Variants in TRRAP observed in about 807,000 individuals in gnomAD.
TRRAP encodes the protein transformation/transcription domain associated protein, also known as transformation/transcription domain-associated protein.
TRRAP carries 41 observed loss-of-function variants against 438.8 expected under a neutral mutation model. That is an observed-to-expected ratio of 0.09 (90% CI 0.07 to 0.12). The LOEUF (loss-of-function observed/expected upper bound fraction) is 0.12, where lower values mean the gene tolerates loss of function less well. Among genes scored for constraint, TRRAP ranks in the 10% least tolerant of loss-of-function variants. TRRAP has a pLI of 1.00. For missense variants in TRRAP, 3,122 were observed against 5,055.1 expected (o/e 0.62, Z 11.60); for synonymous variants, 1,994 against 1,962.9 (o/e 1.02, Z -0.42).
Position 98,970,225 on chromosome 7 carries a change from C to T in TRRAP, c.7626C>T (p.Ala2542=), listed in dbSNP as rs780622379. The T allele has an allele frequency of 6.2e-6, 10 of 1,613,792 alleles. No individual in the cohort carries two copies. The highest frequency in any genetic ancestry group is 8.5e-6 in the Non-Finnish European group (10 of 1,180,028). Reference sequence around the variant, plus strand: ...TGGCCGATAGCCACGACCGTGCCGCCTTCGCCATGGTCACACATGTCAAGC... The same window carrying T: ...TGGCCGATAGCCACGACCGTGCCGCTTTCGCCATGGTCACACATGTCAAGC... ...INLADSHDRA[A]FAMVTHVKQE... is the part of the protein sequence containing the mutation. Residue 2542 remains alanine, a synonymous_variant, in exon 52 of 73, where the codon GCC becomes GCT. Transcript: ENST00000456197.
intron 53 of TRRAP, among the ~76,000 whole-genome samples, chr7:98,974,122 G>A (rs1234296293): frequency 6.6e-6 from 1 of 152,222 alleles, no homozygotes; most frequent in Non-Finnish European, 1.5e-5. Context: ...ACAGAAAGAA[G>A]TGCTAATCCC....
At chr7:98,949,277 T>G in intron 35 of TRRAP, 140 bp from the exon 36 acceptor site, 3 of 972,558 alleles carry the variant, frequency 3.1e-6, no homozygotes, top group Non-Finnish European at 4.2e-6. Context: ...AAAGCATGCG[T>G]GTGGTGCTTT....
rs562671942 is a variant in TRRAP, at chr7:98,982,424, G to A, written c.8826+464G>A. Reference sequence around the variant, plus strand: ...ACCAAGATACAGAGTATTGAACTAAGTGTTATGTTTAGGAGATTAAAAAAC... The same window carrying A: ...ACCAAGATACAGAGTATTGAACTAAATGTTATGTTTAGGAGATTAAAAAAC... On this transcript the variant is annotated intron_variant, in intron 59 of 72. Coordinates refer to ENST00000456197, the MANE Select transcript of TRRAP (RefSeq NM_001375524.1). 5.3e-5 allele frequency among the ~76,000 whole-genome samples: 8 copies of A among 152,336 alleles called. 1 individual carries two copies. The South Asian group carries it at 1.2e-3, about 24-fold the overall frequency.
chr7:98,947,681 CCT>C (rs1403586181), intron 33 of TRRAP, among the ~76,000 whole-genome samples: 1 of 152,214 alleles, frequency 6.6e-6, no homozygotes, highest in East Asian at 1.9e-4. Context: ...GTCTCGAACT[CCT>C]GACCTCAGGT....
chr7:99,009,582 T>C (rs1794340419), intron 70 of TRRAP, among the ~76,000 whole-genome samples: 2 of 152,254 alleles, frequency 1.3e-5, no homozygotes, highest in African/African-American at 4.8e-5. Flanking sequence ...GCACAGGCCA[T>C]GGCCTGGTCA....
At chr7:98,984,828 T>G in intron 61 of TRRAP, 116 bp from the exon 62 acceptor site, 1 of 583,084 alleles carries the variant, frequency 1.7e-6, no homozygotes, top group Non-Finnish European at 3.0e-6. Flanking sequence ...TTTTGTCAAT[T>G]TAAAGTACAT....
chr7:98,972,026 G>A (rs930832544), intron 53 of TRRAP, 81 bp downstream of exon 53: 36 of 1,491,600 alleles, frequency 2.4e-5, no homozygotes, highest in Non-Finnish European at 3.1e-5. Context: ...TTCCACAGCA[G>A]TGTAACTTTT....
chr7:98,936,328 G>A (rs1244044312), intron 28 of TRRAP, among the ~76,000 whole-genome samples: 1 of 152,174 alleles, frequency 6.6e-6, no homozygotes, highest in Non-Finnish European at 1.5e-5. Context: ...AAGATGGGGT[G>A]GAGTGTTCCA....
chr7:98,937,938 G>T lies in TRRAP; in HGVS notation c.4404+118G>T, dbSNP rs553154685. On this transcript the variant is annotated intron_variant, in intron 30 of 72. Coordinates refer to ENST00000456197, the MANE Select transcript of TRRAP (RefSeq NM_001375524.1). ...GCCTGTAATCCCAGCACTTTGGGAG[G>T]CCGAGGTGGGTGGATCGCTTGCAGT... is the stretch of plus-strand genomic sequence containing the variant. 2.6e-6 allele frequency: 3 copies of T among 1,167,090 alleles called. No homozygotes were observed. In the South Asian group the frequency reaches 5.8e-5, roughly 23 times the overall value. The allele number at this position is 1,167,090 out of a possible 1,614,324, so 72.3% of individuals were successfully genotyped here.
rs1391969958 is a variant in TRRAP at position 98,953,024 on chromosome 7, T to C, written c.5464-143T>C. On this transcript the variant is annotated intron_variant, in intron 39 of 72. Transcript: ENST00000456197. ...TTGATAACCTCCTTGTAAAACTTCA[T>C]GTTACATTGTGTGTGTGTGTGTGTG... The C allele has an allele frequency of 1.1e-5, 9 of 813,910 alleles. 1 individual carries two copies. Among genetic ancestry groups the C allele is most frequent in the Admixed American group, 9.6e-5 (3 of 31,320 alleles). The allele number at this position is 813,910 out of a possible 1,614,324, so 50.4% of individuals were successfully genotyped here.
rs1237286986 is a variant in TRRAP, at chr7:98,976,417, CGA to C, written c.7960-59_7960-58del. On this transcript the variant is annotated intron_variant, in intron 54 of 72. Coordinates refer to ENST00000456197, the MANE Select transcript of TRRAP (RefSeq NM_001375524.1). The surrounding 1 kb of genome is among the most constrained non-coding windows in gnomAD (Gnocchi z 4.6). ...CGAATTAGGAAAGGTATTCTTGCAT[CGA>C]GAGAGACAGCAAGACTTGCCGATTT... is the stretch of plus-strand genomic sequence containing the variant. 2 of 1,576,354 alleles carry C rather than the reference CGA, an allele frequency of 1.3e-6. No homozygotes were observed. The highest frequency in any genetic ancestry group is 2.2e-5 in the East Asian group (1 of 44,516).
intron 20 of TRRAP, among the ~76,000 whole-genome samples, chr7:98,919,885 CCCAGTCCCATCAA>C (rs1554410175): frequency 2.0e-5 from 3 of 152,192 alleles, no homozygotes; most frequent in Admixed American, 6.5e-5. Context: ...GTCAGCCTCT[CCCAGTCCCATCAA>C]CCAGCTAAGG....
chr7:98,953,185 C>G lies in TRRAP; in HGVS notation c.5482C>G (p.Gln1828Glu). ...FITKVLDPEK[Q>E]ADMLDSLRIY... ...TGCACAGGTCCTGGACCCCGAGAAG[C>G]AGGCGGACATGCTGGACTCGCTGCG... The change falls in exon 40 of 73, where the codon CAG (glutamine) becomes GAG (glutamate). Residue 1828 changes from glutamine (Q) to glutamate (E), a missense_variant. Physicochemically the swap from Gln to Glu is conservative, Grantham distance 29. This residue lies in a region of TRRAP where 272 missense variants were observed against 348.5 expected (regional missense o/e 0.78). Transcript: ENST00000456197. 6.2e-7 allele frequency: 1 copy of G among 1,612,952 alleles called. No individual in the cohort carries two copies. Among genetic ancestry groups the G allele is most frequent in the Non-Finnish European group, 8.5e-7 (1 of 1,179,984 alleles).
intron 26 of TRRAP, 135 bp downstream of exon 26, chr7:98,931,800 C>G: frequency 8.4e-7 from 1 of 1,187,760 alleles, no homozygotes; most frequent in Non-Finnish European, 1.2e-6. Context: ...CAGGACCCTG[C>G]GTGGGTACCA....
At position 98,951,083 on chromosome 7, in the gene TRRAP, G is replaced by T. The variant is rs543870181; in HGVS notation, c.5463+79G>T. 1.1e-3 allele frequency: 1,516 copies of T among 1,320,828 alleles called. 3 individuals carry two copies. The highest frequency in any genetic ancestry group is 3.5e-3 in the Middle Eastern group (13 of 3,700). 81.8% of individuals were successfully genotyped at this position (1,320,828 alleles called of 1,614,324 possible). A position where few individuals can be genotyped will look rare whatever the true frequency, so the allele number is the denominator to read the frequency against. On this transcript the variant is annotated intron_variant, in intron 39 of 72. Transcript: ENST00000456197. ...TCTGTGTGTGTGTGTGTGTGTGTGT[G>T]TGTGTGTGTGTTAAGGGGGTTCATT...
intron 67 of TRRAP, among the ~76,000 whole-genome samples, chr7:98,995,785 C>A (rs1831875301): frequency 6.6e-6 from 1 of 151,384 alleles, no homozygotes; most frequent in East Asian, 1.9e-4. Flanking sequence ...TGCATCCCAT[C>A]ACTCCCATGT....
intron 9 of TRRAP, 36 bp downstream of exon 9, chr7:98,899,535 GCTT>G (rs782546566): frequency 5.0e-5 from 80 of 1,611,144 alleles, no homozygotes; most frequent in Non-Finnish European, 6.4e-5. Flanking sequence ...TGGGTTTTGG[GCTT>G]CTTATAAGAA....
chr7:98,946,236 C>A (rs965093915), intron 33 of TRRAP, among the ~76,000 whole-genome samples: 1 of 151,816 alleles, frequency 6.6e-6, no homozygotes, highest in Non-Finnish European at 1.5e-5. Context: ...TGTTCGTAAC[C>A]TCTATCTGAA....
At position 98,967,087 on chromosome 7, in the gene TRRAP, C is replaced by T. The variant is rs767806302; in HGVS notation, c.7223C>T (p.Thr2408Ile). The T allele has an allele frequency of 3.1e-6, 5 of 1,613,924 alleles. No individual in the cohort carries two copies. Among genetic ancestry groups the T allele is most frequent in the Non-Finnish European group, 4.2e-6 (5 of 1,179,964 alleles). The change falls in exon 50 of 73, where the codon ACT becomes ATT. Residue 2408 changes from threonine to isoleucine, a missense_variant. Around this residue, in one of 24 missense-constraint regions of TRRAP, gnomAD observed 992 missense variants for 1,281.2 expected, o/e 0.77. Coordinates refer to ENST00000456197, the MANE Select transcript of TRRAP (RefSeq NM_001375524.1). ...TCCATTTTGCTTGTGAAGATGATGA[C>T]TTACATAGAAAAACGCTTTCCGGAA... ...EKSILLVKMM[T>I]YIEKRFPEDL...
Sources: gnomAD v4.1 joint callset for allele counts (sites outside exome capture counted in the v4.1 genomes callset) on GRCh38, gnomAD v4.1.1 for gene constraint, gnomAD v4.1.1 regional missense constraint, Gnocchi (gnomAD v3.1) non-coding constraint, MANE v1.5 for transcripts, NCBI Gene and HGNC (gene_info 2026-07-23, HGNC 2026-07-21) for gene names.